CFDP1: variants seen among roughly 807,000 people sequenced by gnomAD.
The protein encoded by CFDP1 is chromatin remodeling protein CFDP1.
CFDP1 carries 31 observed loss-of-function variants against 40.1 expected under a neutral mutation model. The observed-to-expected ratio is 0.77, with a 90% CI of 0.58 to 1.04. The LOEUF is 1.04. CFDP1 is among the 50% of genes least tolerant of loss of function. The probability of loss-of-function intolerance (pLI) is 0.00; values close to 1 mark genes in which losing one functional copy is unlikely to be tolerated. For missense variants in CFDP1, 423 were observed against 343.4 expected, an observed-to-expected ratio of 1.23 and a Z score of -1.83; for synonymous variants, 167 against 120.0, an observed-to-expected ratio of 1.39 and a Z score of -2.56.
At chr16:75,298,089 T>C (rs1415770035) in intron 6 of CFDP1, among the ~76,000 whole-genome samples, 1 of 152,214 alleles carries the variant, frequency 6.6e-6, no homozygotes, top group Non-Finnish European at 1.5e-5. Context: ...TTATTTAAAA[T>C]ACTGCATAAA....
intron 5 of CFDP1, among the ~76,000 whole-genome samples, chr16:75,388,540 T>C (rs2078920012): frequency 6.6e-6 from 1 of 152,202 alleles, no homozygotes; most frequent in South Asian, 2.1e-4. Flanking sequence ...ATCTACTCTG[T>C]GCCACCCCAG....
intron 5 of CFDP1, 72 bp downstream of exon 5, chr16:75,395,018 G>T (rs879209107): frequency 6.3e-7 from 1 of 1,575,552 alleles, no homozygotes; most frequent in Non-Finnish European, 8.7e-7. Context: ...GATCTGCAGC[G>T]AAAGTAGGTA....
chr16:75,301,398 G>C (rs752263569), intron 6 of CFDP1, among the ~76,000 whole-genome samples: 2 of 152,114 alleles, frequency 1.3e-5, no homozygotes, highest in South Asian at 4.1e-4. Flanking sequence ...GAAGGCTGGA[G>C]CGTCGAGGAG....
Position 75,309,845 on chromosome 16 carries a change from A to G in CFDP1, c.651-4663T>C, listed in dbSNP as rs563277004. On this transcript the variant is annotated intron_variant, in intron 5 of 6. Transcript: ENST00000283882. ...AAAAAAAAAAAAAAAAAAAAAAAAA[A>G]CCAATCCAGTTCCAGACCAACAGAA... Among the ~76,000 whole-genome samples the G allele has an allele frequency of 2.4e-3, 360 of 148,670 alleles. 2 individuals carry two copies. Among genetic ancestry groups the G allele is most frequent in the African/African-American group, 8.4e-3 (340 of 40,370 alleles).
Position 75,433,386 on chromosome 16 carries a change from G to A in CFDP1, c.-34C>T, listed in dbSNP as rs763715584. The A allele has an allele frequency of 6.5e-5, 101 of 1,565,054 alleles. No individual in the cohort carries two copies. The highest frequency in any genetic ancestry group is 8.4e-5 in the Non-Finnish European group (97 of 1,154,650). On this transcript the variant is annotated 5_prime_UTR_variant, in exon 1 of 7. Coordinates refer to ENST00000283882, the MANE Select transcript of CFDP1 (RefSeq NM_006324.3). ...CGCTCGACGCTGGTCAAACTCACAA[G>A]ACCGCAGCAGCCGCCTCCAACGGCA...
intron 5 of CFDP1, among the ~76,000 whole-genome samples, chr16:75,363,644 C>T (rs547205687): frequency 9.1e-4 from 138 of 152,218 alleles, no homozygotes; most frequent in African/African-American, 3.0e-3. Context: ...GAGCCACCCA[C>T]CTTGGCTTCC....
intron 5 of CFDP1, among the ~76,000 whole-genome samples, chr16:75,353,735 C>A (rs1226649516): frequency 2.9e-5 from 2 of 68,920 alleles, no homozygotes; most frequent in Non-Finnish European, 2.5e-5. Context: ...GGCGACACAG[C>A]AAAAGTCCGT....
intron 5 of CFDP1, among the ~76,000 whole-genome samples, chr16:75,382,255 C>G (rs936542536): frequency 6.6e-6 from 1 of 152,074 alleles, no homozygotes; most frequent in Admixed American, 6.6e-5. Flanking sequence ...AACTAATTTC[C>G]TGAGTGATTG....
intron 5 of CFDP1, among the ~76,000 whole-genome samples, chr16:75,368,803 C>G (rs1401153440): frequency 2.0e-5 from 3 of 151,990 alleles, no homozygotes; most frequent in African/African-American, 7.2e-5. Flanking sequence ...CCCAGCTAAT[C>G]TGTGCATTTT....
At chr16:75,307,018 C>T (rs1262176899) in intron 5 of CFDP1, among the ~76,000 whole-genome samples, 1 of 152,072 alleles carries the variant, frequency 6.6e-6, no homozygotes, top group African/African-American at 2.4e-5. Flanking sequence ...CTGCTACTGC[C>T]CGAATTCTCA....
At chr16:75,415,004 A>C (rs1218284450) in intron 1 of CFDP1, among the ~76,000 whole-genome samples, 1 of 152,198 alleles carries the variant, frequency 6.6e-6, no homozygotes, top group Non-Finnish European at 1.5e-5. Flanking sequence ...AACCCTGTTC[A>C]TTGTGACTTT....
At chr16:75,357,979 G>A (rs2151530059) in intron 5 of CFDP1, among the ~76,000 whole-genome samples, 1 of 152,212 alleles carries the variant, frequency 6.6e-6, no homozygotes, top group Admixed American at 6.5e-5. Context: ...AACACTTAGA[G>A]GTCACTGTAG....
At chr16:75,335,825 G>A (rs539139587) in intron 5 of CFDP1, among the ~76,000 whole-genome samples, 2 of 151,988 alleles carry the variant, frequency 1.3e-5, no homozygotes, top group African/African-American at 4.8e-5. Flanking sequence ...CAAAGTGCTG[G>A]GATTACAGGT....
intron 5 of CFDP1, among the ~76,000 whole-genome samples, chr16:75,326,306 G>T (rs2078400622): frequency 6.6e-6 from 1 of 152,190 alleles, no homozygotes. Flanking sequence ...TTATGAGCCA[G>T]GAGCAACGCC....
rs58692180 is a variant in CFDP1, at chr16:75,399,056, C to CA, written c.531-3848dup. Among the ~76,000 whole-genome samples the CA allele has an allele frequency of 2.3e-3, 228 of 97,870 alleles. 1 individual carries two copies. Among genetic ancestry groups the CA allele is most frequent in the Middle Eastern group, 5.3e-3 (1 of 188 alleles). 64.2% of individuals were successfully genotyped at this position (97,870 alleles called of 152,430 possible). A position where few individuals can be genotyped will look rare whatever the true frequency, so the allele number is the denominator to read the frequency against. ...TGGGAGACAGAGCGAGACTCCGTCT[C>CA]AAAAAAAAAAAAAAAAAAAAAAAGA... On this transcript the variant is annotated intron_variant, in intron 4 of 6. Transcript: ENST00000283882.
chr16:75,347,978 G>T (rs192860783), intron 5 of CFDP1, among the ~76,000 whole-genome samples: 1 of 152,178 alleles, frequency 6.6e-6, no homozygotes, highest in Non-Finnish European at 1.5e-5. Context: ...ACTGTCATGG[G>T]GCGGGAGAAG....
chr16:75,347,980 C>T (rs1488942364), intron 5 of CFDP1, among the ~76,000 whole-genome samples: 4 of 151,902 alleles, frequency 2.6e-5, no homozygotes, highest in South Asian at 2.1e-4. Context: ...TGTCATGGGG[C>T]GGGAGAAGAC....
At chr16:75,356,634 T>C (rs9934007) in intron 5 of CFDP1, among the ~76,000 whole-genome samples, 113,431 of 151,998 alleles carry the variant, frequency 0.75, 42,432 homozygotes, top group Middle Eastern at 0.78. Context: ...AAGAGCCACC[T>C]TATCACTCGA....
chr16:75,353,189 G>T (rs985920256), intron 5 of CFDP1, among the ~76,000 whole-genome samples: 1 of 152,178 alleles, frequency 6.6e-6, no homozygotes, highest in Non-Finnish European at 1.5e-5. Context: ...AGACCTTACT[G>T]GATCCAAACA....
Sources: gnomAD v4.1 joint callset for allele counts (sites outside exome capture counted in the v4.1 genomes callset) on GRCh38, gnomAD v4.1.1 for gene constraint, MANE v1.5 for transcripts, NCBI Gene and HGNC (gene_info 2026-07-23, HGNC 2026-07-21) for gene names.